The following NRXN3 variants were observed in gnomAD, a reference collection of about 807,000 sequenced individuals.
NRXN3 encodes neurexin III.
A neutral mutation model predicts 137.6 loss-of-function variants in NRXN3; 32 were observed. The ratio of observed to expected loss-of-function variants is 0.23; its 90% CI spans 0.18 to 0.31. NRXN3 has a LOEUF of 0.31. NRXN3 is among the 10% of genes least tolerant of loss of function. The pLI, the probability that NRXN3 is intolerant of heterozygous loss-of-function variation, is 1.00. For synonymous variants in NRXN3, 798 were observed against 784.5 expected, an observed-to-expected ratio of 1.02 and a Z score of -0.29; for missense variants, 1,574 against 2,062.5, an observed-to-expected ratio of 0.76 and a Z score of 4.59.
chr14:79,754,010 G>A (rs1439924871), intron 19 of NRXN3, among the ~76,000 whole-genome samples: 1 of 151,896 alleles, frequency 6.6e-6, no homozygotes, highest in African/African-American at 2.4e-5. Flanking sequence ...TAAAGTACAT[G>A]GGAGAGTACT....
intron 15 of NRXN3, among the ~76,000 whole-genome samples, chr14:79,179,189 T>A (rs76797666): frequency 6.6e-6 from 1 of 152,162 alleles, no homozygotes; most frequent in African/African-American, 2.4e-5. Context: ...TTTTCAGAGA[T>A]GTTTATGAGA....
At chr14:79,395,402 C>T (rs1265656425) in intron 15 of NRXN3, among the ~76,000 whole-genome samples, 1 of 152,064 alleles carries the variant, frequency 6.6e-6, no homozygotes, top group Non-Finnish European at 1.5e-5. Flanking sequence ...TTCATAAAGG[C>T]AAAACAGTGC....
intron 10 of NRXN3, among the ~76,000 whole-genome samples, chr14:78,824,700 A>T (rs1318949762): frequency 6.6e-6 from 1 of 152,222 alleles, no homozygotes; most frequent in Non-Finnish European, 1.5e-5. Flanking sequence ...CTACAATATC[A>T]GAAGGCTAAA....
intron 19 of NRXN3, among the ~76,000 whole-genome samples, chr14:79,781,349 G>T (rs2099113233): frequency 6.6e-6 from 1 of 152,192 alleles, no homozygotes; most frequent in Non-Finnish European, 1.5e-5. Flanking sequence ...TACGGGAAAA[G>T]AGTAATGTCA....
intron 15 of NRXN3, among the ~76,000 whole-genome samples, chr14:79,289,977 A>G (rs2082900850): frequency 6.6e-6 from 1 of 152,124 alleles, no homozygotes; most frequent in Non-Finnish European, 1.5e-5. Flanking sequence ...ATTTTCTGAG[A>G]TACTGTCCTG....
chr14:79,253,608 A>G (rs1478524897), intron 15 of NRXN3, among the ~76,000 whole-genome samples: 1 of 152,230 alleles, frequency 6.6e-6, no homozygotes, highest in Non-Finnish European at 1.5e-5. Flanking sequence ...ACAGTTCCAC[A>G]TGTCTGGGGA....
At chr14:79,398,482 A>C (rs918293944) in intron 15 of NRXN3, among the ~76,000 whole-genome samples, 3 of 152,108 alleles carry the variant, frequency 2.0e-5, no homozygotes, top group Admixed American at 2.0e-4. Context: ...TCAGTGTAGT[A>C]AGCAGATGGA....
chr14:78,723,316 G>A (rs1362223377), intron 8 of NRXN3, among the ~76,000 whole-genome samples: 7 of 152,176 alleles, frequency 4.6e-5, no homozygotes, highest in South Asian at 2.1e-4. Context: ...AGTGGAGGTC[G>A]AGTTTTCGAA....
At chr14:79,356,007 ATTAT>A (rs1420228993) in intron 15 of NRXN3, among the ~76,000 whole-genome samples, 5 of 152,198 alleles carry the variant, frequency 3.3e-5, no homozygotes, top group African/African-American at 9.6e-5. Context: ...AAATTCAATA[ATTAT>A]TAGAGTATTA....
chr14:78,908,764 C>A (rs2099227107), intron 10 of NRXN3, among the ~76,000 whole-genome samples: 1 of 151,974 alleles, frequency 6.6e-6, no homozygotes, highest in South Asian at 2.1e-4. Context: ...GCAGCAAGAA[C>A]AAACATCAAA....
At chr14:79,396,070 T>A (rs1005413678) in intron 15 of NRXN3, among the ~76,000 whole-genome samples, 6 of 152,164 alleles carry the variant, frequency 3.9e-5, no homozygotes, top group Non-Finnish European at 7.3e-5. Context: ...CATGCACCAA[T>A]ACATGCTGGC....
intron 16 of NRXN3, among the ~76,000 whole-genome samples, chr14:79,532,398 A>G (rs1045498484): frequency 5.9e-5 from 9 of 152,150 alleles, no homozygotes; most frequent in African/African-American, 1.9e-4. Context: ...GAAATACTAA[A>G]GTTTTCTTTC....
chr14:79,201,618 A>G (rs1050277448), intron 15 of NRXN3: 1 of 152,180 alleles, frequency 6.6e-6, no homozygotes, highest in South Asian at 2.1e-4. Flanking sequence ...CTTAATAAAG[A>G]TGATTGAAAG....
At chr14:78,377,451 T>A (rs1301042512) in intron 4 of NRXN3, among the ~76,000 whole-genome samples, 1 of 152,222 alleles carries the variant, frequency 6.6e-6, no homozygotes, top group Non-Finnish European at 1.5e-5. Context: ...GCAGTTATGG[T>A]TGGAGGCTTC....
At chr14:79,628,628 G>A (rs2098309392) in intron 16 of NRXN3, among the ~76,000 whole-genome samples, 1 of 152,146 alleles carries the variant, frequency 6.6e-6, no homozygotes, top group Non-Finnish European at 1.5e-5. Context: ...CCTTGGCAGA[G>A]CCAAGCCTTC....
At chr14:79,533,805 G>A (rs1364178522) in intron 16 of NRXN3, among the ~76,000 whole-genome samples, 1 of 152,130 alleles carries the variant, frequency 6.6e-6, no homozygotes, top group Non-Finnish European at 1.5e-5. Flanking sequence ...GACTGCACAT[G>A]TTAAAAAGAG....
At chr14:78,990,269 G>A (rs1208914395) in intron 15 of NRXN3, among the ~76,000 whole-genome samples, 1 of 151,930 alleles carries the variant, frequency 6.6e-6, no homozygotes, top group African/African-American at 2.4e-5. Flanking sequence ...TCTAACAGGA[G>A]CTACTTGCCT....
intron 10 of NRXN3, among the ~76,000 whole-genome samples, chr14:78,907,725 T>C (rs1350552729): frequency 6.6e-6 from 1 of 152,064 alleles, no homozygotes; most frequent in Non-Finnish European, 1.5e-5. Flanking sequence ...GTTGTACCGA[T>C]TATTTTATCA....
chr14:79,560,921 G>T (rs183898354), intron 16 of NRXN3, among the ~76,000 whole-genome samples: 9 of 152,250 alleles, frequency 5.9e-5, no homozygotes, highest in Admixed American at 5.9e-4. Flanking sequence ...TTGTCAAGCT[G>T]CTCCCCCTTC....
Sources: allele counts gnomAD v4.1 joint callset (sites outside exome capture counted in the v4.1 genomes callset), GRCh38; gene constraint gnomAD v4.1.1; transcripts MANE v1.5; gene names NCBI Gene and HGNC (gene_info 2026-07-23, HGNC 2026-07-21).